The following PHACTR3 variants were observed in gnomAD, a reference collection of about 807,000 sequenced individuals.
PHACTR3 encodes protein phosphatase 1, regulatory subunit 123.
PHACTR3 carries 16 observed loss-of-function variants against 66.8 expected under a neutral mutation model. The observed-to-expected ratio is 0.24, with a 90% CI of 0.16 to 0.36. The LOEUF is 0.36. PHACTR3 is among the 10% of genes least tolerant of loss of function. The pLI is 1.00. For missense variants in PHACTR3, 647 were observed against 719.9 expected (o/e 0.90, Z 1.16); for synonymous variants, 323 against 292.1 (o/e 1.11, Z -1.08).
In PHACTR3 at chr20:59,837,539, ACTT is replaced by A. The variant is rs546557594; in HGVS notation, c.1384+984_1384+986del. Among the ~76,000 whole-genome samples the A allele has an allele frequency of 1.4e-4, 21 of 152,278 alleles. No individual in the cohort carries two copies. In the South Asian group the frequency reaches 1.5e-3, roughly 11 times the overall value. On this transcript the variant is annotated intron_variant, in intron 9 of 12. Coordinates refer to ENST00000371015, the MANE Select transcript of PHACTR3 (RefSeq NM_080672.5). ...TGTTGAAAATAACCCTCAGATAAAG[ACTT>A]CTTCATTTTACTTTTTAAACTTAAG... is the stretch of plus-strand genomic sequence containing the variant.
At chr20:59,730,517 G>A (rs2038725791) in intron 1 of PHACTR3, among the ~76,000 whole-genome samples, 1 of 152,148 alleles carries the variant, frequency 6.6e-6, no homozygotes, top group Admixed American at 6.5e-5. Flanking sequence ...TTGCGGGGTA[G>A]GCAGGAGTGG....
At chr20:59,653,206 A>G (rs1427648382) in intron 1 of PHACTR3, among the ~76,000 whole-genome samples, 1 of 146,612 alleles carries the variant, frequency 6.8e-6, no homozygotes, top group Admixed American at 6.8e-5. Context: ...TTTTTTTGAG[A>G]TGGAGTCTTG....
chr20:59,635,291 A>G (rs531536374), intron 1 of PHACTR3, among the ~76,000 whole-genome samples: 69 of 140,570 alleles, frequency 4.9e-4, no homozygotes, highest in Admixed American at 5.9e-4. Context: ...CTGGAGTGCA[A>G]TGGCGCAATC....
chr20:59,824,778 TG>T (rs898206098), intron 8 of PHACTR3, among the ~76,000 whole-genome samples: 1 of 151,178 alleles, frequency 6.6e-6, no homozygotes, highest in Non-Finnish European at 1.5e-5. Flanking sequence ...GCCCCACCAG[TG>T]GGGGGGCGGG....
At chr20:59,703,958 G>C (rs982920157) in intron 1 of PHACTR3, among the ~76,000 whole-genome samples, 1 of 152,064 alleles carries the variant, frequency 6.6e-6, no homozygotes, top group African/African-American at 2.4e-5. Context: ...CTAAATAGTG[G>C]GCTGTTATTT....
At chr20:59,703,851 A>T (rs545663794) in intron 1 of PHACTR3, among the ~76,000 whole-genome samples, 23 of 152,298 alleles carry the variant, frequency 1.5e-4, no homozygotes, top group African/African-American at 5.5e-4. Context: ...TGTGTGTGTC[A>T]CATATTTCAA....
At chr20:59,771,728 C>T (rs530347001) in intron 5 of PHACTR3, among the ~76,000 whole-genome samples, 1 of 152,360 alleles carries the variant, frequency 6.6e-6, no homozygotes, top group South Asian at 2.1e-4. Context: ...TGGCCCGTTT[C>T]CCTGTGGCCT....
intron 3 of PHACTR3, among the ~76,000 whole-genome samples, chr20:59,750,703 A>G (rs2039548081): frequency 6.6e-6 from 1 of 152,086 alleles, no homozygotes; most frequent in Non-Finnish European, 1.5e-5. Flanking sequence ...GAGGAGCCCG[A>G]GTGTCTCTGC....
rs369078709 is a variant in PHACTR3, at chr20:59,773,376, G to T, written c.849G>T (p.Thr283=). 6 of 1,614,002 alleles carry T rather than the reference G, an allele frequency of 3.7e-6. No individual in the cohort carries two copies. The African/African-American group carries it at 8.0e-5, about 22-fold the overall frequency. ...CCACGGGGTCTCCGCATCTCACCAC[G>T]GTCCACCGGCCTCTTCCCCCAAGCC... ...STPTGSPHLT[T]VHRPLPPSRV... Residue 283 remains threonine, a synonymous_variant, in exon 6 of 13, where the codon ACG becomes ACT. Coordinates refer to ENST00000371015, the MANE Select transcript of PHACTR3 (RefSeq NM_080672.5).
chr20:59,619,980 G>T (rs1338261922), intron 1 of PHACTR3, among the ~76,000 whole-genome samples: 4 of 152,148 alleles, frequency 2.6e-5, no homozygotes, highest in African/African-American at 9.7e-5. Context: ...AAGTGTCAGG[G>T]CCCTTGTGAC....
At chr20:59,786,609 G>A (rs2040924377) in intron 7 of PHACTR3, among the ~76,000 whole-genome samples, 1 of 152,194 alleles carries the variant, frequency 6.6e-6, no homozygotes. Flanking sequence ...GTATATGGAG[G>A]GCCCTCTGTG....
chr20:59,765,474 C>T (rs1713667565), intron 4 of PHACTR3, among the ~76,000 whole-genome samples: 1 of 152,160 alleles, frequency 6.6e-6, no homozygotes, highest in Non-Finnish European at 1.5e-5. Flanking sequence ...ACAACACATA[C>T]TCCATCTCTG....
chr20:59,834,549 A>G (rs566110690), intron 8 of PHACTR3, among the ~76,000 whole-genome samples: 1 of 152,334 alleles, frequency 6.6e-6, no homozygotes, highest in South Asian at 2.1e-4. Flanking sequence ...GATTCTGTGT[A>G]ACTCTCTCAG....
intron 1 of PHACTR3, among the ~76,000 whole-genome samples, chr20:59,731,754 T>A (rs2038773061): frequency 6.6e-6 from 1 of 152,180 alleles, no homozygotes; most frequent in Non-Finnish European, 1.5e-5. Context: ...AGTCTTAATT[T>A]CAGCATCATT....
rs8121563 is a variant in PHACTR3, at chr20:59,648,652, G to A, written c.118+43520G>A. ...GTTTTTCTTCCCAGTCCAGGCTTAC[G>A]CTGACCTTGGTACTTAAGGCAGGGC... On this transcript the variant is annotated intron_variant, in intron 1 of 12. Transcript: ENST00000371015. 8.5e-3 allele frequency among the ~76,000 whole-genome samples: 1,294 copies of A among 152,296 alleles called. 12 individuals carry two copies. The highest frequency in any genetic ancestry group is 0.029 in the African/African-American group (1,192 of 41,546).
intron 5 of PHACTR3, 22 bp downstream of exon 5, chr20:59,767,417 C>T: frequency 6.2e-7 from 1 of 1,606,406 alleles, no homozygotes; most frequent in Non-Finnish European, 8.5e-7. Context: ...TGCATCCTGC[C>T]CATTCTATTT....
At chr20:59,622,016 G>A (rs1037152440) in intron 1 of PHACTR3, among the ~76,000 whole-genome samples, 2 of 152,134 alleles carry the variant, frequency 1.3e-5, no homozygotes, top group South Asian at 2.1e-4. Context: ...TATTTTTGTC[G>A]AAAGTCATTG....
At chr20:59,842,326 G>A (rs1411838647) in intron 11 of PHACTR3, among the ~76,000 whole-genome samples, 1 of 152,176 alleles carries the variant, frequency 6.6e-6, no homozygotes, top group Non-Finnish European at 1.5e-5. Flanking sequence ...CAAGGAATTT[G>A]CTAATTGTTC....
At chr20:59,712,269 C>T (rs2037937401) in intron 1 of PHACTR3, among the ~76,000 whole-genome samples, 1 of 152,102 alleles carries the variant, frequency 6.6e-6, no homozygotes, top group Non-Finnish European at 1.5e-5. Flanking sequence ...GATTATGATT[C>T]TGCTATGCGT....
Sources: gnomAD v4.1 joint callset for allele counts (sites outside exome capture counted in the v4.1 genomes callset) on GRCh38, gnomAD v4.1.1 for gene constraint, MANE v1.5 for transcripts, NCBI Gene and HGNC (gene_info 2026-07-23, HGNC 2026-07-21) for gene names.